Variants in SNX13 observed in about 807,000 individuals in gnomAD.
SNX13 encodes sorting nexin-13.
Under a neutral mutation model 133.6 loss-of-function variants are expected in SNX13, and 45 were observed. The observed-to-expected ratio is 0.34, with a 90% CI of 0.27 to 0.43. The LOEUF is 0.43. SNX13 is among the 20% of genes least tolerant of loss of function. The pLI, the probability that SNX13 is intolerant of heterozygous loss-of-function variation, is 1.00. For missense variants in SNX13, 1,032 were observed against 1,145.1 expected (o/e 0.90, Z 1.43); for synonymous variants, 414 against 373.9 (o/e 1.11, Z -1.24).
At chr7:17,812,373 T>C (rs1786150297) in intron 20 of SNX13, among the ~76,000 whole-genome samples, 1 of 152,124 alleles carries the variant, frequency 6.6e-6, no homozygotes, top group Admixed American at 6.5e-5. Flanking sequence ...AAGACATTTA[T>C]GCAGCCAACA....
At chr7:17,805,254 T>G (rs10235030) in intron 20 of SNX13, among the ~76,000 whole-genome samples, 1 of 132,440 alleles carries the variant, frequency 7.6e-6, no homozygotes, top group Non-Finnish European at 1.6e-5. Context: ...TGTGTGTGCG[T>G]GCGCGCGCGC....
chr7:17,892,979 C>T (rs984496816), intron 3 of SNX13, among the ~76,000 whole-genome samples: 1 of 152,032 alleles, frequency 6.6e-6, no homozygotes, highest in Non-Finnish European at 1.5e-5. Context: ...CCTCTGATTC[C>T]TCTGCAATTT....
chr7:17,826,297 A>G (rs1427128188), intron 16 of SNX13, among the ~76,000 whole-genome samples: 3 of 152,008 alleles, frequency 2.0e-5, no homozygotes, highest in Non-Finnish European at 4.4e-5. Flanking sequence ...AAACAATAAC[A>G]AAAAATTTAG....
chr7:17,930,028 G>A (rs866199231), intron 1 of SNX13, among the ~76,000 whole-genome samples: 2 of 151,622 alleles, frequency 1.3e-5, no homozygotes, highest in African/African-American at 4.8e-5. Flanking sequence ...TCTAAGTTTT[G>A]AAAATAAACC....
At position 17,792,774 on chromosome 7, in the gene SNX13, G is replaced by A. The variant is rs928193097; in HGVS notation, c.*1271C>T. On this transcript the variant is annotated 3_prime_UTR_variant, in exon 26 of 26. Coordinates refer to ENST00000428135, the MANE Select transcript of SNX13 (RefSeq NM_015132.5). ...TGCAGAAATCCTGCATAGAAGGGAT[G>A]TGAATACTTCTAAGATGGATAAAAT... 4 of 152,444 alleles carry A rather than the reference G, an allele frequency of 2.6e-5. No individual in the cohort carries two copies. Among genetic ancestry groups the A allele is most frequent in the Middle Eastern group, 3.4e-3 (1 of 294 alleles). 9.4% of individuals were successfully genotyped at this position (152,444 alleles called of 1,614,324 possible).
intron 12 of SNX13, among the ~76,000 whole-genome samples, chr7:17,841,586 A>ACACACACG (rs1313704048): frequency 2.8e-4 from 43 of 151,264 alleles, no homozygotes; most frequent in African/African-American, 1.0e-3. Flanking sequence ...ACACACACGC[A>ACACACACG]CACACACCCC....
Position 17,917,660 on chromosome 7 carries a change from G to GA in SNX13, c.13-20215dup, listed in dbSNP as rs910078222. ...AATATGTCAGAGAAGACACAAACAGGAAAAAAAAAAATCCATGGTCATGGA... is the reference window on the plus strand; with the variant it reads ...AATATGTCAGAGAAGACACAAACAGGAAAAAAAAAAAATCCATGGTCATGGA... On this transcript the variant is annotated intron_variant, in intron 1 of 25. Transcript: ENST00000428135. 5.6e-4 allele frequency among the ~76,000 whole-genome samples: 82 copies of GA among 145,164 alleles called. 1 individual carries two copies. The highest frequency in any genetic ancestry group is 8.8e-4 in the South Asian group (4 of 4,570).
At chr7:17,835,715 A>G (rs774349079) in intron 13 of SNX13, among the ~76,000 whole-genome samples, 4 of 151,988 alleles carry the variant, frequency 2.6e-5, no homozygotes, top group African/African-American at 4.8e-5. Flanking sequence ...AATAAAATAA[A>G]GAACAGGTAG....
chr7:17,831,389 C>G (rs1788470103), intron 15 of SNX13: 2 of 843,196 alleles, frequency 2.4e-6, no homozygotes, highest in Non-Finnish European at 2.9e-6. Flanking sequence ...AAAATATCTA[C>G]TTTTAAAATA....
chr7:17,936,003 T>A (rs950455214), intron 1 of SNX13, among the ~76,000 whole-genome samples: 4 of 152,330 alleles, frequency 2.6e-5, no homozygotes, highest in South Asian at 4.1e-4. Context: ...TGTATGTGCA[T>A]GTGTGTGTTC....
chr7:17,824,776 T>TC (rs1440025906), intron 17 of SNX13, among the ~76,000 whole-genome samples: 1 of 150,024 alleles, frequency 6.7e-6, no homozygotes, highest in African/African-American at 2.4e-5. Flanking sequence ...AGAAATAACT[T>TC]TTTTTTTTTT....
chr7:17,905,106 T>C (rs1400592388), intron 1 of SNX13, among the ~76,000 whole-genome samples: 2 of 152,198 alleles, frequency 1.3e-5, no homozygotes, highest in African/African-American at 4.8e-5. Context: ...TCAGATACAA[T>C]GCTATATACT....
At chr7:17,799,969 T>C (rs951330874) in intron 22 of SNX13, among the ~76,000 whole-genome samples, 2 of 151,946 alleles carry the variant, frequency 1.3e-5, no homozygotes, top group East Asian at 3.9e-4. Context: ...GCATGAGTTA[T>C]ACATTTTTCA....
At chr7:17,868,158 A>T in intron 9 of SNX13, 1 of 381,598 alleles carries the variant, frequency 2.6e-6, no homozygotes, top group Non-Finnish European at 4.7e-6. Flanking sequence ...AAAATATTCT[A>T]TTTTTTTAAA....
At chr7:17,935,297 T>C (rs915189123) in intron 1 of SNX13, among the ~76,000 whole-genome samples, 4 of 152,174 alleles carry the variant, frequency 2.6e-5, no homozygotes, top group Admixed American at 6.5e-5. Context: ...ATCTCACTTA[T>C]ATGTGAAATT....
chr7:17,873,445 T>A, intron 8 of SNX13, 83 bp downstream of exon 8: 1 of 580,188 alleles, frequency 1.7e-6, no homozygotes, highest in Non-Finnish European at 2.5e-6. Flanking sequence ...TTTAAGAGTG[T>A]AACAGGGTCT....
rs1449413369 is a variant in SNX13, at chr7:17,839,894, C to T, written c.1272G>A (p.Gln424=). The T allele has an allele frequency of 1.2e-6, 2 of 1,612,022 alleles. No homozygotes were observed. The highest frequency in any genetic ancestry group is 2.7e-5 in the African/African-American group (2 of 74,784). Residue 424 remains glutamine, a synonymous_variant, in exon 13 of 26, where the codon CAG becomes CAA. Coordinates refer to ENST00000428135, the MANE Select transcript of SNX13 (RefSeq NM_015132.5). ...QQQLEVLLSR[Q]RDGKHQTNQT... The stretch of plus-strand genomic sequence containing the variant: ...GGTTGGTTTGATGTTTTCCATCTCT[C>T]TGACGACTTAATAAAACTTCTAGCT...
At chr7:17,836,758 A>T (rs369879984) in intron 13 of SNX13, among the ~76,000 whole-genome samples, 1 of 152,060 alleles carries the variant, frequency 6.6e-6, no homozygotes, top group African/African-American at 2.4e-5. Flanking sequence ...AACTTTTTTT[A>T]AAACTCTATT....
intron 1 of SNX13, among the ~76,000 whole-genome samples, chr7:17,919,193 C>T (rs145141278): frequency 6.6e-6 from 1 of 152,134 alleles, no homozygotes; most frequent in African/African-American, 2.4e-5. Flanking sequence ...CTCAGCAATG[C>T]ACAAAATACC....
Sources: allele counts gnomAD v4.1 joint callset (sites outside exome capture counted in the v4.1 genomes callset), GRCh38; gene constraint gnomAD v4.1.1; transcripts MANE v1.5; gene names NCBI Gene and HGNC (gene_info 2026-07-23, HGNC 2026-07-21).